Variants in SST observed in about 807,000 individuals in gnomAD.
SST encodes somatostatin.
SST carries 7 observed loss-of-function variants against 10.4 expected under a neutral mutation model. The observed-to-expected ratio is 0.67, with a 90% confidence interval of 0.38 to 1.26. SST has a LOEUF of 1.26. SST is among the 50% of genes most tolerant of loss of function. The pLI is 0.02. For synonymous variants in SST, 63 were observed against 63.9 expected (o/e 0.99, Z 0.07); for missense variants, 145 against 140.8 (o/e 1.03, Z -0.15).
rs1717210843 is a variant in SST at position 187,670,343 on chromosome 3, G to T, written c.-52C>A. 6.5e-7 allele frequency: 1 copy of T among 1,530,550 alleles called. No homozygotes were observed. Among genetic ancestry groups the T allele is most frequent in the Non-Finnish European group, 8.8e-7 (1 of 1,135,266 alleles). 94.8% of individuals were successfully genotyped at this position (1,530,550 alleles called of 1,614,324 possible). A position where few individuals can be genotyped will look rare whatever the true frequency, so the allele number is the denominator to read the frequency against. On this transcript the variant is annotated 5_prime_UTR_variant, in exon 1 of 2. Transcript: ENST00000287641. ...GAGTGGCTGGTCAAACTCTAGGCGC[G>T]GATCAGCAGGCAGCAGCGATGGCTC...
intron 1 of SST, 111 bp from the exon 2 acceptor site, chr3:187,669,388 GT>G: frequency 3.0e-6 from 3 of 1,011,764 alleles, no homozygotes; most frequent in South Asian, 1.5e-5. Flanking sequence ...ACAAAATCCA[GT>G]TTTTACAGCT....
At chr3:187,669,327 A>G (rs932912076) in intron 1 of SST, 50 bp from the exon 2 acceptor site, 1 of 1,563,060 alleles carries the variant, frequency 6.4e-7, no homozygotes, top group Non-Finnish European at 8.7e-7. Context: ...AGTGGGGAGG[A>G]CAATGGAAAA....
chr3:187,669,339 A>G (rs1717182453), intron 1 of SST, 62 bp from the exon 2 acceptor site: 1 of 1,516,204 alleles, frequency 6.6e-7, no homozygotes, highest in African/African-American at 1.4e-5. Context: ...AATGGAAAAA[A>G]TTTGAAAAGC....
chr3:187,669,322 G>C (rs769072218), intron 1 of SST, 45 bp from the exon 2 acceptor site: 5 of 1,563,074 alleles, frequency 3.2e-6, no homozygotes, highest in African/African-American at 1.4e-5. Flanking sequence ...AGAGAAGTGG[G>C]GAGGACAATG....
rs1182519220 is a variant in SST at position 187,669,352 on chromosome 3, A to T, written c.139-75T>A. The T allele has an allele frequency of 3.9e-5, 56 of 1,426,960 alleles. No individual in the cohort carries two copies. In the Admixed American group the frequency reaches 6.4e-4, roughly 16 times the overall value. 88.4% of individuals were successfully genotyped at this position (1,426,960 alleles called of 1,614,324 possible). ...ACAATGGAAAAAATTTGAAAAGCCT[A>T]AATTAAAGAACAGATTTGGTCACAC... On this transcript the variant is annotated intron_variant, in intron 1 of 1. Coordinates refer to ENST00000287641, the MANE Select transcript of SST (RefSeq NM_001048.4).
At position 187,670,282 on chromosome 3, in the gene SST, A is replaced by G. The variant is rs1717206567; in HGVS notation, c.10T>C (p.Cys4Arg). The change falls in exon 1 of 2, where the codon TGC (cysteine) becomes CGC (arginine). Residue 4 changes from cysteine (C) to arginine (R), a missense_variant. Physicochemically the swap from Cys to Arg is radical, Grantham distance 180. Transcript: ENST00000287641. The stretch of plus-strand genomic sequence containing the variant: ...GCAGCCAGCGCGCACTGGAGGCGGC[A>G]GGACAGCATCTCGGCGCCGCGAAAG... Reference protein sequence around the residue: MLSCRLQCALAALS... With the variant: MLSRRLQCALAALS... The G allele has an allele frequency of 6.3e-7, 1 of 1,586,536 alleles. No individual in the cohort carries two copies. Among genetic ancestry groups the G allele is most frequent in the East Asian group, 2.3e-5 (1 of 43,690 alleles).
At position 187,669,295 on chromosome 3, in the gene SST, G is replaced by A. The variant is rs1244601016; in HGVS notation, c.139-18C>T. The A allele has an allele frequency of 1.9e-6, 3 of 1,607,780 alleles. No homozygotes were observed. The highest frequency in any genetic ancestry group is 1.1e-5 in the South Asian group (1 of 90,780). Reference sequence around the variant, plus strand: ...GCCAGTTCCTGTATAGGGCAGAAGGGATAGAAAAAGAGAGAAAGAGAAGTG... The same window carrying A: ...GCCAGTTCCTGTATAGGGCAGAAGGAATAGAAAAAGAGAGAAAGAGAAGTG... On this transcript the variant is annotated intron_variant, in intron 1 of 1. Coordinates refer to ENST00000287641, the MANE Select transcript of SST (RefSeq NM_001048.4).
rs1717176255 is a variant in SST, at chr3:187,669,105, C to T, written c.311G>A (p.Gly104Asp). The T allele has an allele frequency of 2.5e-6, 4 of 1,613,610 alleles. No individual in the cohort carries two copies. Among genetic ancestry groups the T allele is most frequent in the Non-Finnish European group, 3.4e-6 (4 of 1,179,956 alleles). The change falls in exon 2 of 2, where the codon GGC (glycine) becomes GAC (aspartate). Residue 104 changes from glycine to aspartate, a missense_variant. By Grantham distance (94) the Gly-to-Asp change is moderately conservative (BLOSUM62 -1). Coordinates refer to ENST00000287641, the MANE Select transcript of SST (RefSeq NM_001048.4). ...AGTCTTCCAGAAGAAATTCTTGCAG[C>T]CAGCTTTGCGTTCTCGGGGTGCCAT... ...PAMAPRERKA[G>D]CKNFFWKTFT...
At chr3:187,669,565 C>CAT in intron 1 of SST, among the ~76,000 whole-genome samples, 1 of 112,016 alleles carries the variant, frequency 8.9e-6, no homozygotes, top group East Asian at 2.3e-4. Flanking sequence ...CACAAACACA[C>CAT]ACACACACAC....
chr3:187,669,666 T>C (rs1717192537), intron 1 of SST, among the ~76,000 whole-genome samples: 1 of 152,040 alleles, frequency 6.6e-6, no homozygotes, highest in South Asian at 2.1e-4. Context: ...AGTAGAATTG[T>C]TTTACCATTT....
At chr3:187,670,018 T>G in intron 1 of SST, 136 bp downstream of exon 1, 1 of 924,924 alleles carries the variant, frequency 1.1e-6, no homozygotes, top group Non-Finnish European at 1.6e-6. Flanking sequence ...CTCAAGAGCT[T>G]CGGGAGCTGA....
Position 187,668,990 on chromosome 3 carries a change from G to T in SST, c.*75C>A. The stretch of plus-strand genomic sequence containing the variant: ...ATGCAAGGGTCTCGCTGAAGACTTG[G>T]AGGATTAGGGAAGAGAGATGGGGTG... On this transcript the variant is annotated 3_prime_UTR_variant, in exon 2 of 2. Transcript: ENST00000287641. 7.3e-7 allele frequency: 1 copy of T among 1,370,428 alleles called. No individual in the cohort carries two copies. Among genetic ancestry groups the T allele is most frequent in the Non-Finnish European group, 1.0e-6 (1 of 961,368 alleles). The allele number at this position is 1,370,428 out of a possible 1,614,324, so 84.9% of individuals were successfully genotyped here.
chr3:187,669,248 C>T lies in SST; in HGVS notation c.168G>A (p.Leu56=), dbSNP rs1717179851. Residue 56 remains leucine (L), a synonymous_variant, in exon 2 of 2, where the codon CTG becomes CTA. Transcript: ENST00000287641. ...QELAKYFLAE[L]LSEPNQTEND... is the part of the protein sequence containing the mutation. ...TCTCCGTCTGGTTGGGTTCAGACAGCAGCTCTGCCAAGAAGTACTTGGCCA... is the reference window on the plus strand; with the variant it reads ...TCTCCGTCTGGTTGGGTTCAGACAGTAGCTCTGCCAAGAAGTACTTGGCCA... 6.2e-7 allele frequency: 1 copy of T among 1,613,636 alleles called. No homozygotes were observed. The highest frequency in any genetic ancestry group is 1.3e-5 in the African/African-American group (1 of 74,796).
intron 1 of SST, 37 bp from the exon 2 acceptor site, chr3:187,669,314 A>G: frequency 6.3e-7 from 1 of 1,594,456 alleles, no homozygotes. Context: ...AGAGAGAAAG[A>G]GAAGTGGGGA....
At position 187,669,126 on chromosome 3, in the gene SST, G is replaced by A; in HGVS notation, c.290C>T (p.Ala97Val). ...GCAGCCAGCTTTGCGTTCTCGGGGT[G>A]CCATAGCCGGGTTTGAGTTAGCAGA... is the stretch of plus-strand genomic sequence containing the variant. ...QRSANSNPAMAPRERKAGCKN... is the reference protein window; with the variant it reads ...QRSANSNPAMVPRERKAGCKN... Residue 97 changes from alanine (A) to valine (V), a missense_variant, in exon 2 of 2, where the codon GCA (alanine) becomes GTA (valine). Physicochemically the swap from Ala to Val is moderately conservative, Grantham distance 64. Transcript: ENST00000287641. The A allele has an allele frequency of 6.2e-7, 1 of 1,613,898 alleles. No individual in the cohort carries two copies. Among genetic ancestry groups the A allele is most frequent in the Admixed American group, 1.7e-5 (1 of 60,016 alleles).
chr3:187,670,358 A>G lies in SST; in HGVS notation c.-67T>C. On this transcript the variant is annotated 5_prime_UTR_variant, in exon 1 of 2. Transcript: ENST00000287641. ...CTCTAGGCGCGGATCAGCAGGCAGC[A>G]GCGATGGCTCCGAACCTCGCTCCTA... is the stretch of plus-strand genomic sequence containing the variant. 6.6e-7 allele frequency: 1 copy of G among 1,514,014 alleles called. No homozygotes were observed. Among genetic ancestry groups the G allele is most frequent in the Non-Finnish European group, 8.9e-7 (1 of 1,126,230 alleles). The allele number at this position is 1,514,014 out of a possible 1,614,324, so 93.8% of individuals were successfully genotyped here. A position where few individuals can be genotyped will look rare whatever the true frequency, so the allele number is the denominator to read the frequency against.
chr3:187,669,322 G>T, intron 1 of SST, 45 bp from the exon 2 acceptor site: 1 of 1,563,192 alleles, frequency 6.4e-7, no homozygotes, highest in South Asian at 1.1e-5. Context: ...AGAGAAGTGG[G>T]GAGGACAATG....
At position 187,669,026 on chromosome 3, in the gene SST, G is replaced by A. The variant is rs767973566; in HGVS notation, c.*39C>T. ...AAGAGAGATGGGGTGTGGGGGCGAG[G>A]GATCAGAGGTCTGATATGGACAATA... On this transcript the variant is annotated 3_prime_UTR_variant, in exon 2 of 2. Transcript: ENST00000287641. 8 of 1,588,710 alleles carry A rather than the reference G, an allele frequency of 5.0e-6. No individual in the cohort carries two copies. The highest frequency in any genetic ancestry group is 5.2e-6 in the Non-Finnish European group (6 of 1,157,348).
chr3:187,670,043 C>G (rs2108532941), intron 1 of SST, 111 bp downstream of exon 1: 2 of 1,232,294 alleles, frequency 1.6e-6, no homozygotes, highest in Non-Finnish European at 2.2e-6. Context: ...CCCAGAAAAG[C>G]ACCAAAACTC....
Sources: allele counts gnomAD v4.1 joint callset (sites outside exome capture counted in the v4.1 genomes callset), GRCh38; gene constraint gnomAD v4.1.1; transcripts MANE v1.5; gene names NCBI Gene and HGNC (gene_info 2026-07-23, HGNC 2026-07-21).